GABRB1: variants seen among roughly 807,000 people sequenced by gnomAD.
GABRB1 encodes gamma-aminobutyric acid receptor subunit beta-1.
GABRB1 carries 17 observed loss-of-function variants against 51.6 expected under a neutral mutation model. The ratio of observed to expected loss-of-function variants is 0.33; its 90% CI spans 0.23 to 0.49. GABRB1 has a LOEUF of 0.49. Among genes scored for constraint, GABRB1 ranks in the 20% least tolerant of loss-of-function variants. GABRB1 has a pLI of 0.99. For synonymous variants in GABRB1, 247 were observed against 218.9 expected, an observed-to-expected ratio of 1.13 and a Z score of -1.14; for missense variants, 410 against 600.6, an observed-to-expected ratio of 0.68 and a Z score of 3.32.
intron 4 of GABRB1, among the ~76,000 whole-genome samples, chr4:47,226,450 A>G (rs1450189478): frequency 6.6e-6 from 1 of 152,126 alleles, no homozygotes; most frequent in Non-Finnish European, 1.5e-5. Context: ...CAAGAAGCAG[A>G]ACACAGCTCC....
chr4:47,424,466 C>G (rs1729199773), intron 8 of GABRB1, among the ~76,000 whole-genome samples: 1 of 152,182 alleles, frequency 6.6e-6, no homozygotes, highest in Non-Finnish European at 1.5e-5. Flanking sequence ...CCATCATGTG[C>G]TATCTATCCT....
At chr4:47,005,145 G>A (rs1247017056) in intron 1 of GABRB1, among the ~76,000 whole-genome samples, 3 of 152,170 alleles carry the variant, frequency 2.0e-5, no homozygotes, top group South Asian at 2.1e-4. Context: ...AGGGCCAGGC[G>A]CAGTGGCTCA....
chr4:47,283,458 T>C (rs779074242), intron 4 of GABRB1, among the ~76,000 whole-genome samples: 1 of 131,190 alleles, frequency 7.6e-6, no homozygotes, highest in Non-Finnish European at 1.6e-5. Context: ...CGATCTCGGC[T>C]CACTGCAAGC....
chr4:47,334,631 G>T (rs1019533616), intron 5 of GABRB1, among the ~76,000 whole-genome samples: 2 of 152,100 alleles, frequency 1.3e-5, no homozygotes, highest in Non-Finnish European at 2.9e-5. Context: ...CACTCTATTT[G>T]ATTTTATTTG....
chr4:47,116,720 G>T (rs1715498546), intron 3 of GABRB1, among the ~76,000 whole-genome samples: 1 of 152,090 alleles, frequency 6.6e-6, no homozygotes, highest in African/African-American at 2.4e-5. Context: ...TTGGGCAAGT[G>T]TATTAGTCCA....
chr4:47,343,890 C>T (rs936616849), intron 5 of GABRB1, among the ~76,000 whole-genome samples: 1 of 152,180 alleles, frequency 6.6e-6, no homozygotes. Context: ...CTTTTAGTAA[C>T]TTGCTCAGAG....
At chr4:47,375,711 T>C (rs1468698772) in intron 5 of GABRB1, among the ~76,000 whole-genome samples, 2 of 152,248 alleles carry the variant, frequency 1.3e-5, no homozygotes, top group Non-Finnish European at 2.9e-5. Context: ...TTGTTACTTT[T>C]GGTTACAGCC....
chr4:47,363,781 C>T (rs1280011030), intron 5 of GABRB1, among the ~76,000 whole-genome samples: 1 of 152,160 alleles, frequency 6.6e-6, no homozygotes, highest in Non-Finnish European at 1.5e-5. Flanking sequence ...TAAGCTCCAT[C>T]AGACCATCTG....
chr4:47,356,020 C>T (rs952372924), intron 5 of GABRB1, among the ~76,000 whole-genome samples: 2 of 152,178 alleles, frequency 1.3e-5, no homozygotes, highest in African/African-American at 4.8e-5. Flanking sequence ...AATAAGCATG[C>T]AATGAATATG....
At chr4:47,173,724 C>G (rs1355260073) in intron 4 of GABRB1, among the ~76,000 whole-genome samples, 1 of 152,108 alleles carries the variant, frequency 6.6e-6, no homozygotes, top group Non-Finnish European at 1.5e-5. Flanking sequence ...AGTTTTCTAC[C>G]TGTTCTTGTG....
intron 3 of GABRB1, among the ~76,000 whole-genome samples, chr4:47,136,652 C>T (rs977817441): frequency 1.3e-5 from 2 of 152,008 alleles, no homozygotes; most frequent in Non-Finnish European, 2.9e-5. Context: ...GAATAGAATT[C>T]ACTCTAATGA....
Position 47,053,833 on chromosome 4 carries a change from A to G in GABRB1, c.240+21349A>G, listed in dbSNP as rs529110544. 4.6e-5 allele frequency among the ~76,000 whole-genome samples: 7 copies of G among 152,362 alleles called. No individual in the cohort carries two copies. The South Asian group carries it at 1.4e-3, about 32-fold the overall frequency. On this transcript the variant is annotated intron_variant, in intron 3 of 8. Transcript: ENST00000295454. ...ATCACAGTATCCGCCTATTACCCAC[A>G]GGGTAAGAAACACAGCTAAAATGAC...
intron 3 of GABRB1, among the ~76,000 whole-genome samples, chr4:47,073,665 G>A (rs781135715): frequency 5.9e-5 from 9 of 152,240 alleles, no homozygotes; most frequent in Middle Eastern, 3.4e-3. Flanking sequence ...CTCTTGAGCC[G>A]TAATCTCCTG....
intron 4 of GABRB1, among the ~76,000 whole-genome samples, chr4:47,294,106 A>T (rs1325035160): frequency 6.6e-6 from 1 of 152,242 alleles, no homozygotes; most frequent in African/African-American, 2.4e-5. Flanking sequence ...TTACTTAGAA[A>T]TTATCTAGGT....
chr4:47,238,086 A>G (rs901630756), intron 4 of GABRB1, among the ~76,000 whole-genome samples: 2 of 152,056 alleles, frequency 1.3e-5, no homozygotes, highest in Admixed American at 1.3e-4. Flanking sequence ...TAAATGATGC[A>G]GAAGAGAAGG....
chr4:47,000,636 T>C (rs1724150345), intron 1 of GABRB1, among the ~76,000 whole-genome samples: 1 of 152,194 alleles, frequency 6.6e-6, no homozygotes, highest in Admixed American at 6.5e-5. Context: ...GCATTGAAGA[T>C]AGCTTATTGC....
At chr4:47,310,974 T>C (rs1421117472) in intron 4 of GABRB1, among the ~76,000 whole-genome samples, 1 of 130,648 alleles carries the variant, frequency 7.7e-6, no homozygotes, top group African/African-American at 3.0e-5. Context: ...GGCAGGAGAA[T>C]AGCTTGAACC....
chr4:47,248,144 C>T (rs958494198), intron 4 of GABRB1, among the ~76,000 whole-genome samples: 33 of 151,964 alleles, frequency 2.2e-4, no homozygotes, highest in African/African-American at 7.5e-4. Context: ...TGTTGTGGGT[C>T]TGTGGGTTTG....
chr4:47,102,767 A>G (rs1262632055), intron 3 of GABRB1, among the ~76,000 whole-genome samples: 1 of 152,026 alleles, frequency 6.6e-6, no homozygotes, highest in African/African-American at 2.4e-5. Flanking sequence ...TTAAAGCATC[A>G]GAGTAGGATA....
Sources: allele counts gnomAD v4.1 joint callset (sites outside exome capture counted in the v4.1 genomes callset), GRCh38; gene constraint gnomAD v4.1.1; transcripts MANE v1.5; gene names NCBI Gene and HGNC (gene_info 2026-07-23, HGNC 2026-07-21).